EPB41L5: variants seen among roughly 807,000 people sequenced by gnomAD.
The protein encoded by EPB41L5 is band 4.1-like protein 5.
In EPB41L5, 55 loss-of-function variants were observed where a neutral mutation model predicts 106.6. The observed-to-expected ratio is 0.52, with a 90% CI of 0.42 to 0.65. The LOEUF is 0.65. EPB41L5 is among the 30% of genes least tolerant of loss of function. EPB41L5 has a pLI of 0.00. For missense variants in EPB41L5, 871 were observed against 882.1 expected (o/e 0.99, Z 0.16); for synonymous variants, 297 against 306.7 (o/e 0.97, Z 0.33).
chr2:120,041,471 T>C (rs1255304721), intron 2 of EPB41L5, among the ~76,000 whole-genome samples: 1 of 152,180 alleles, frequency 6.6e-6, no homozygotes, highest in African/African-American at 2.4e-5. Context: ...ACTTTTCTTA[T>C]GCTCTCATAT....
At chr2:120,015,907 TAAAAA>T (rs35254844) in intron 1 of EPB41L5, among the ~76,000 whole-genome samples, 1 of 120,730 alleles carries the variant, frequency 8.3e-6, no homozygotes, top group Non-Finnish European at 1.7e-5. Flanking sequence ...AGACTGTCTC[TAAAAA>T]AAAAAAAAAA....
In EPB41L5 at chr2:120,100,799, A is replaced by G. The variant is rs1684098294; in HGVS notation, c.1322A>G (p.Gln441Arg). Residue 441 changes from glutamine to arginine, a missense_variant, in exon 16 of 25, where the codon CAG (glutamine) becomes CGG (arginine). Coordinates refer to ENST00000263713, the MANE Select transcript of EPB41L5 (RefSeq NM_020909.4). ...CTTCCACAGAGTCCTGGAACAGACC[A>G]GCATGACAGGAAATGGTTTGTTAAT... is the stretch of plus-strand genomic sequence containing the variant. ...ENLPQSPGTDQHDRKCIPLNI... is the reference protein window; with the variant it reads ...ENLPQSPGTDRHDRKCIPLNI... 6.2e-7 allele frequency: 1 copy of G among 1,600,904 alleles called. No homozygotes were observed. The highest frequency in any genetic ancestry group is 1.3e-5 in the African/African-American group (1 of 74,412).
intron 21 of EPB41L5, 98 bp downstream of exon 21, chr2:120,161,072 T>G (rs1687122624): frequency 1.2e-6 from 1 of 854,376 alleles, no homozygotes; most frequent in African/African-American, 1.7e-5. Context: ...TGAGTGACAC[T>G]GGGACTTAAG....
chr2:120,136,362 A>T (rs188792808), intron 18 of EPB41L5, among the ~76,000 whole-genome samples: 5 of 151,752 alleles, frequency 3.3e-5, no homozygotes, highest in African/African-American at 7.2e-5. Flanking sequence ...ATCACAAAAC[A>T]ATCAGAAAAC....
chr2:120,130,779 G>A (rs142374353), intron 17 of EPB41L5, among the ~76,000 whole-genome samples: 2 of 152,336 alleles, frequency 1.3e-5, no homozygotes, highest in Admixed American at 1.3e-4. Context: ...TTGTTAACGT[G>A]TATCCGGGGC....
chr2:120,142,060 C>A (rs561154004), intron 18 of EPB41L5, among the ~76,000 whole-genome samples: 2 of 147,118 alleles, frequency 1.4e-5, no homozygotes, highest in Non-Finnish European at 3.0e-5. Flanking sequence ...TGTCAAGATT[C>A]TTCTCTTTCT....
At chr2:120,100,589 G>A (rs528502793) in intron 15 of EPB41L5, 110 bp from the exon 16 acceptor site, 227 of 789,368 alleles carry the variant, frequency 2.9e-4, no homozygotes, top group Admixed American at 1.6e-3. Context: ...TCAAGCATTT[G>A]TATACATTTT....
chr2:120,091,933 A>G (rs1013065986), intron 13 of EPB41L5, among the ~76,000 whole-genome samples: 1 of 152,182 alleles, frequency 6.6e-6, no homozygotes, highest in Non-Finnish European at 1.5e-5. Context: ...GTAGAGCAAC[A>G]TATTCTCTCC....
chr2:120,035,301 T>G (rs914219617), intron 2 of EPB41L5, among the ~76,000 whole-genome samples: 1 of 152,200 alleles, frequency 6.6e-6, no homozygotes. Context: ...TCTTGCTATG[T>G]TATCCAGGCC....
chr2:120,040,771 G>A (rs1326787382), intron 2 of EPB41L5, among the ~76,000 whole-genome samples: 2 of 152,050 alleles, frequency 1.3e-5, no homozygotes. Flanking sequence ...ATGAAGGCAT[G>A]GTCAAGTTCT....
intron 24 of EPB41L5, among the ~76,000 whole-genome samples, chr2:120,171,921 A>G (rs1422108556): frequency 1.3e-5 from 2 of 152,208 alleles, no homozygotes; most frequent in African/African-American, 4.8e-5. Flanking sequence ...AAAAAAGGCA[A>G]TGTAAATAAC....
intron 2 of EPB41L5, among the ~76,000 whole-genome samples, chr2:120,023,820 A>C (rs1678111309): frequency 6.6e-6 from 1 of 152,088 alleles, no homozygotes; most frequent in Non-Finnish European, 1.5e-5. Flanking sequence ...ATGAGCATGG[A>C]ATGTTTTCCA....
intron 24 of EPB41L5, 72 bp downstream of exon 24, chr2:120,168,079 C>A: frequency 6.7e-7 from 1 of 1,490,164 alleles, no homozygotes; most frequent in Non-Finnish European, 9.1e-7. Context: ...AACTTATTAT[C>A]TCTAAAGCAG....
intron 20 of EPB41L5, among the ~76,000 whole-genome samples, chr2:120,147,644 A>G (rs2105505363): frequency 6.6e-6 from 1 of 151,666 alleles, no homozygotes; most frequent in East Asian, 1.9e-4. Flanking sequence ...AAAAAAAAAA[A>G]AAGGAAAGAA....
chr2:120,167,757 A>T (rs1452962423), intron 23 of EPB41L5, 120 bp from the exon 24 acceptor site: 1 of 1,289,470 alleles, frequency 7.8e-7, no homozygotes, highest in Non-Finnish European at 1.1e-6. Flanking sequence ...ACAAACAGTC[A>T]TAATTATCAA....
chr2:120,104,113 G>C, intron 16 of EPB41L5: 1 of 1,535,684 alleles, frequency 6.5e-7, no homozygotes, highest in Non-Finnish European at 8.7e-7. Flanking sequence ...TGGAACACAA[G>C]GGCCTTGCCC....
At chr2:120,024,597 C>T (rs1678180615) in intron 2 of EPB41L5, among the ~76,000 whole-genome samples, 1 of 152,098 alleles carries the variant, frequency 6.6e-6, no homozygotes, top group African/African-American at 2.4e-5. Context: ...GCTGGGACTA[C>T]AGGTGCCTGC....
intron 3 of EPB41L5, among the ~76,000 whole-genome samples, chr2:120,053,607 T>C (rs1165911434): frequency 6.6e-6 from 1 of 152,228 alleles, no homozygotes; most frequent in Non-Finnish European, 1.5e-5. Flanking sequence ...AATCTGGAAA[T>C]GTACTTAGCA....
chr2:120,116,527 C>T (rs1454365621), intron 16 of EPB41L5, among the ~76,000 whole-genome samples: 1 of 151,688 alleles, frequency 6.6e-6, no homozygotes, highest in Non-Finnish European at 1.5e-5. Flanking sequence ...TGATGAATGG[C>T]GTTTTGTTTT....
Sources: gnomAD v4.1 joint callset for allele counts (sites outside exome capture counted in the v4.1 genomes callset) on GRCh38, gnomAD v4.1.1 for gene constraint, MANE v1.5 for transcripts, NCBI Gene and HGNC (gene_info 2026-07-23, HGNC 2026-07-21) for gene names.